The following ARHGEF6 variants were observed in gnomAD, a reference collection of about 807,000 sequenced individuals.
ARHGEF6 encodes Rac/Cdc42 guanine nucleotide exchange factor 6, also known as rho guanine nucleotide exchange factor 6.
In ARHGEF6, 9 loss-of-function variants were observed where a neutral mutation model predicts 70.3. The observed-to-expected ratio is 0.13, with a 90% CI of 0.08 to 0.22. ARHGEF6 has a LOEUF of 0.22. Ranked by LOEUF, ARHGEF6 falls within the 10% of genes least tolerant of loss-of-function variation. ARHGEF6 has a pLI of 1.00. For synonymous variants in ARHGEF6, 201 were observed against 207.8 expected (o/e 0.97, Z 0.28); for missense variants, 470 against 563.0 (o/e 0.83, Z 1.67).
chrX:136,706,118 C>T (rs1380486739), intron 9 of ARHGEF6, among the ~76,000 whole-genome samples: 1 of 111,850 alleles, frequency 8.9e-6, no homozygotes, highest in East Asian at 2.8e-4. Flanking sequence ...GCCTGTCCTA[C>T]AGTTTTCTGG....
chrX:136,743,619 G>A lies in ARHGEF6; in HGVS notation c.627C>T (p.Phe209=), dbSNP rs1245917890. ...TAATTTCACGGACATAATTACTGGG[G>A]AACCAGCCTGTTCTCCCATTTAATG... ...EGTLNGRTGW[F]PSNYVREIKS... Residue 209 remains phenylalanine, a synonymous_variant, in exon 5 of 22, where the codon TTC becomes TTT. Coordinates refer to ENST00000250617, the MANE Select transcript of ARHGEF6 (RefSeq NM_004840.3). 2 of 1,211,632 alleles carry A rather than the reference G, an allele frequency of 1.7e-6. No homozygotes were observed. The highest frequency in any genetic ancestry group is 2.2e-6 in the Non-Finnish European group (2 of 895,372).
intron 6 of ARHGEF6, among the ~76,000 whole-genome samples, chrX:136,731,452 G>A (rs2076934806): frequency 8.9e-6 from 1 of 112,031 alleles, no homozygotes; most frequent in South Asian, 3.7e-4. Context: ...TTAAATTAGT[G>A]ACTAGGCCAA....
intron 6 of ARHGEF6, 24 bp from the exon 7 acceptor site, chrX:136,713,394 T>A (rs763467740): frequency 4.7e-5 from 52 of 1,106,676 alleles, no homozygotes; most frequent in Non-Finnish European, 6.1e-5. Flanking sequence ...AGTCAATGTA[T>A]TATAATCATC....
chrX:136,779,958 A>G lies in ARHGEF6; in HGVS notation c.166-461T>C, dbSNP rs1252105828. ...TTCTCAAGTTTAAGAAATTATAAGTAAATTTATTTGCTCAATAAAAATACA... is the reference window on the plus strand; with the variant it reads ...TTCTCAAGTTTAAGAAATTATAAGTGAATTTATTTGCTCAATAAAAATACA... On this transcript the variant is annotated intron_variant, in intron 1 of 21. Transcript: ENST00000250617. Among the ~76,000 whole-genome samples, 4 of 112,411 alleles carry G rather than the reference A, an allele frequency of 3.6e-5. 1 individual carries two copies. The highest frequency in any genetic ancestry group is 2.8e-4 in the Admixed American group (3 of 10,597).
intron 6 of ARHGEF6, among the ~76,000 whole-genome samples, chrX:136,716,151 A>T (rs1326553060): frequency 8.9e-6 from 1 of 112,636 alleles, no homozygotes; most frequent in African/African-American, 3.2e-5. Flanking sequence ...ATGTTGGTCA[A>T]GCTGGTTTCG....
intron 19 of ARHGEF6, among the ~76,000 whole-genome samples, chrX:136,672,888 TCA>T (rs1423803616): frequency 1.8e-5 from 2 of 111,572 alleles, no homozygotes; most frequent in African/African-American, 6.5e-5. Flanking sequence ...CCAAGTTCCT[TCA>T]GAGGTGTGCA....
chrX:136,700,685 C>A (rs1319733312), intron 9 of ARHGEF6, among the ~76,000 whole-genome samples: 1 of 112,035 alleles, frequency 8.9e-6, no homozygotes, highest in Non-Finnish European at 1.9e-5. Context: ...CACCTAGTTA[C>A]CTCAGTTCCT....
chrX:136,749,519 C>T (rs1172293657), intron 2 of ARHGEF6, among the ~76,000 whole-genome samples: 1 of 111,472 alleles, frequency 9.0e-6, no homozygotes, highest in Non-Finnish European at 1.9e-5. Context: ...AAAACCTCTC[C>T]CTCTGGTTTT....
chrX:136,723,743 G>A (rs993964391), intron 6 of ARHGEF6, among the ~76,000 whole-genome samples: 1 of 110,382 alleles, frequency 9.1e-6, no homozygotes, highest in African/African-American at 3.3e-5. Flanking sequence ...GGCCAACATG[G>A]TGAAACCCCC....
intron 6 of ARHGEF6, among the ~76,000 whole-genome samples, chrX:136,731,269 G>A (rs180993837): frequency 1.3e-4 from 14 of 111,894 alleles, no homozygotes; most frequent in Admixed American, 1.0e-3. Context: ...TACCTGTATA[G>A]AGATGTTTAA....
chrX:136,779,516 A>C lies in ARHGEF6; in HGVS notation c.166-19T>G. On this transcript the variant is annotated intron_variant, in intron 1 of 21. Transcript: ENST00000250617. ...GACAAAACTAGAGGAACACAGTGAA[A>C]TGTCACTTGGAGATTGTCATCCCAT... The C allele has an allele frequency of 2.5e-6, 3 of 1,185,415 alleles. No homozygotes were observed. The highest frequency in any genetic ancestry group is 3.4e-6 in the Non-Finnish European group (3 of 871,583).
At chrX:136,765,633 C>A (rs2077306366) in intron 2 of ARHGEF6, among the ~76,000 whole-genome samples, 1 of 112,646 alleles carries the variant, frequency 8.9e-6, no homozygotes, top group Non-Finnish European at 1.9e-5. Context: ...GACATACCAT[C>A]CATAAAATGT....
chrX:136,699,700 A>G (rs1307069004), intron 9 of ARHGEF6, among the ~76,000 whole-genome samples: 1 of 111,361 alleles, frequency 9.0e-6, no homozygotes, highest in Non-Finnish European at 1.9e-5. Flanking sequence ...GATTTTAATG[A>G]ATTCCTGGAG....
At chrX:136,711,758 G>A (rs1312211799) in intron 7 of ARHGEF6, among the ~76,000 whole-genome samples, 2 of 110,950 alleles carry the variant, frequency 1.8e-5, no homozygotes, top group Non-Finnish European at 3.8e-5. Context: ...ATGGGGTTTC[G>A]CCATGTTGCC....
chrX:136,736,756 G>A (rs2076990102), intron 5 of ARHGEF6, among the ~76,000 whole-genome samples: 1 of 110,851 alleles, frequency 9.0e-6, no homozygotes, highest in African/African-American at 3.3e-5. Context: ...GCGGGAAAAA[G>A]CTATCCCCAG....
intron 2 of ARHGEF6, among the ~76,000 whole-genome samples, chrX:136,752,488 C>G (rs1484467380): frequency 8.9e-6 from 1 of 112,259 alleles, no homozygotes; most frequent in Non-Finnish European, 1.9e-5. Context: ...CACCTAGCCT[C>G]CTGATTTTCT....
chrX:136,779,899 ACTT>A (rs1054963396), intron 1 of ARHGEF6, among the ~76,000 whole-genome samples: 6 of 111,793 alleles, frequency 5.4e-5, no homozygotes, highest in Non-Finnish European at 7.5e-5. Context: ...ATTTGACCAC[ACTT>A]CTTTACATTT....
At chrX:136,705,223 A>T (rs1424039978) in intron 9 of ARHGEF6, among the ~76,000 whole-genome samples, 1 of 107,797 alleles carries the variant, frequency 9.3e-6, no homozygotes, top group African/African-American at 3.4e-5. Context: ...AGGCAGGAGA[A>T]TCGCTTGAAT....
chrX:136,713,815 T>G (rs777123660), intron 6 of ARHGEF6, among the ~76,000 whole-genome samples: 40 of 112,238 alleles, frequency 3.6e-4, no homozygotes, highest in African/African-American at 1.2e-3. Context: ...GTGCTGTAAA[T>G]GATTTTATCC....
Sources: gnomAD v4.1 joint callset for allele counts (sites outside exome capture counted in the v4.1 genomes callset) on GRCh38, gnomAD v4.1.1 for gene constraint, MANE v1.5 for transcripts, NCBI Gene and HGNC (gene_info 2026-07-23, HGNC 2026-07-21) for gene names.